Variants in SPATA24 observed in about 807,000 individuals in gnomAD.
The protein encoded by SPATA24 is spermatogenesis associated 24.
Under a neutral mutation model 28.9 loss-of-function variants are expected in SPATA24, and 21 were observed. The ratio of observed to expected loss-of-function variants is 0.73; its 90% confidence interval spans 0.52 to 1.05. SPATA24 has a LOEUF of 1.05. Among genes scored for constraint, SPATA24 ranks in the 50% least tolerant of loss-of-function variants. SPATA24 has a pLI of 0.00. For missense variants in SPATA24, 215 were observed against 242.9 expected, an observed-to-expected ratio of 0.88 and a Z score of 0.76; for synonymous variants, 76 against 89.9, an observed-to-expected ratio of 0.85 and a Z score of 0.88.
intron 1 of SPATA24, among the ~76,000 whole-genome samples, chr5:139,403,208 T>C (rs1758860536): frequency 2.0e-5 from 3 of 152,314 alleles, no homozygotes; most frequent in Admixed American, 2.0e-4. Context: ...ATGAGAGCAT[T>C]AGGGTAGCAA....
At chr5:139,393,518 A>C (rs919868384), downstream of SPATA24, 2 of 1,551,284 alleles carry the variant, frequency 1.3e-6, no homozygotes, top group Non-Finnish European at 1.7e-6. Flanking sequence ...ATGGGATCCC[A>C]TGTCTCTTGG....
At chr5:139,400,677 T>A (rs1758802393) in intron 4 of SPATA24, among the ~76,000 whole-genome samples, 1 of 152,136 alleles carries the variant, frequency 6.6e-6, no homozygotes, top group Admixed American at 6.5e-5. Flanking sequence ...TGTACGGGCA[T>A]GTGTAGCTGA....
chr5:139,399,473 A>G (rs775052140), intron 4 of SPATA24, among the ~76,000 whole-genome samples: 1 of 152,168 alleles, frequency 6.6e-6, no homozygotes, highest in Non-Finnish European at 1.5e-5. Context: ...GAGAATGAAG[A>G]CATGAGTTCA....
downstream of SPATA24, chr5:139,394,886 C>A: frequency 6.6e-7 from 1 of 1,510,676 alleles, no homozygotes; most frequent in Admixed American, 2.2e-5. Context: ...GGCTGCGCGC[C>A]CGCCCCCCGC....
downstream of SPATA24, chr5:139,395,097 C>G (rs1308655458): frequency 7.2e-7 from 1 of 1,390,882 alleles, no homozygotes; most frequent in Non-Finnish European, 9.3e-7. Context: ...GGCCGGACGC[C>G]GTGCACTATC....
chr5:139,392,699 C>A (rs989412618), downstream of SPATA24: 8 of 1,386,896 alleles, frequency 5.8e-6, no homozygotes, highest in Non-Finnish European at 7.5e-6. This position sits in a 1 kb window ranked among gnomAD's most constrained non-coding sequence, Gnocchi z 5.8. Flanking sequence ...GATCGGACCC[C>A]TGCTGGCCCT....
At chr5:139,403,004 G>A (rs774728850) in intron 1 of SPATA24, among the ~76,000 whole-genome samples, 47 of 152,194 alleles carry the variant, frequency 3.1e-4, no homozygotes, top group Non-Finnish European at 5.9e-4. Flanking sequence ...GGAAGGGTCA[G>A]AATCACTTCC....
downstream of SPATA24, chr5:139,392,998 T>C (rs746858794): frequency 5.3e-6 from 8 of 1,517,386 alleles, no homozygotes; most frequent in South Asian, 1.0e-4. This position sits in a 1 kb window ranked among gnomAD's most constrained non-coding sequence, Gnocchi z 5.8. Flanking sequence ...AGGAGGCTCG[T>C]AGGGGTGCGG....
downstream of SPATA24, chr5:139,395,178 C>A: frequency 8.0e-7 from 1 of 1,257,662 alleles, no homozygotes; most frequent in Non-Finnish European, 1.0e-6. Context: ...GTGGGGGTCA[C>A]CGCGCCTTAA....
chr5:139,394,439 G>A (rs1224250477), downstream of SPATA24: 5 of 1,394,792 alleles, frequency 3.6e-6, no homozygotes, highest in South Asian at 1.6e-5. Context: ...CTCTGGGGCC[G>A]GGGGCGCAGC....
downstream of SPATA24, chr5:139,395,028 G>A (rs1758674145): frequency 1.4e-6 from 2 of 1,440,706 alleles, no homozygotes; most frequent in African/African-American, 1.5e-5. Context: ...CGGGGGCCGT[G>A]GGCAGCTGCC....
At chr5:139,400,302 C>CTTT (rs55789939) in intron 4 of SPATA24, among the ~76,000 whole-genome samples, 9 of 125,104 alleles carry the variant, frequency 7.2e-5, no homozygotes, top group Non-Finnish European at 1.3e-4. Context: ...TTCATACCTA[C>CTTT]TTTTTTTTTT....
chr5:139,396,089 C>T (rs1384334619), downstream of SPATA24: 3 of 828,850 alleles, frequency 3.6e-6, no homozygotes, highest in African/African-American at 5.5e-5. Context: ...CCAGCTGGCC[C>T]TGGAGCAAGA....
rs75764480 is a variant in SPATA24 at position 139,399,428 on chromosome 5, G to A, written c.386-2285C>T. Among the ~76,000 whole-genome samples, 316 of 151,058 alleles carry A rather than the reference G, an allele frequency of 2.1e-3. 4 individuals carry two copies. Among genetic ancestry groups the A allele is most frequent in the East Asian group, 0.017 (90 of 5,188 alleles). ...AAGAGAAGACCTGGTAAAAAGTGAA[G>A]GCACAGCATGGAAAAGAGGAGACAG... On this transcript the variant is annotated intron_variant, in intron 4 of 5. Transcript: ENST00000450845.
downstream of SPATA24, chr5:139,393,639 A>C (rs1431794911): frequency 6.5e-7 from 1 of 1,549,764 alleles, no homozygotes. Flanking sequence ...CCGAATGTGG[A>C]ATCTCCCACA....
downstream of SPATA24, chr5:139,393,794 A>T: frequency 6.4e-7 from 1 of 1,551,410 alleles, no homozygotes; most frequent in Non-Finnish European, 8.7e-7. Flanking sequence ...GCTTCAGGGA[A>T]CAATGGGCTA....
rs1216091297 is a variant in SPATA24 at position 139,402,665 on chromosome 5, C to G, written c.146G>C (p.Ser49Thr). Residue 49 changes from serine to threonine, a missense_variant, in exon 2 of 6, where the codon AGT becomes ACT. Coordinates refer to ENST00000450845, the MANE Select transcript of SPATA24 (RefSeq NM_194296.2). ...CTCCACTGCCTGGAACTCTTCTTTA[C>G]TGACAAAATTTTCGTCCTGGAGAAC... ...VMVLQDENFV[S>T]KEEFQAVEKK... The G allele has an allele frequency of 5.0e-5, 78 of 1,551,754 alleles. No homozygotes were observed. Among genetic ancestry groups the G allele is most frequent in the Non-Finnish European group, 6.2e-5 (71 of 1,147,018 alleles).
downstream of SPATA24, chr5:139,394,783 T>A (rs1758665529): frequency 2.0e-6 from 3 of 1,529,776 alleles, no homozygotes; most frequent in South Asian, 3.6e-5. Flanking sequence ...CAGCTGGGGC[T>A]GGGGTGGCCG....
chr5:139,392,593 G>C, downstream of SPATA24: 2 of 1,365,688 alleles, frequency 1.5e-6, no homozygotes, highest in African/African-American at 3.1e-5. This position sits in a 1 kb window ranked among gnomAD's most constrained non-coding sequence, Gnocchi z 5.8. Flanking sequence ...CGCCTGGACG[G>C]CAGCCGCGGG....
Sources: gnomAD v4.1 joint callset for allele counts (sites outside exome capture counted in the v4.1 genomes callset) on GRCh38, gnomAD v4.1.1 for gene constraint, Gnocchi (gnomAD v3.1) non-coding constraint, MANE v1.5 for transcripts, NCBI Gene and HGNC (gene_info 2026-07-23, HGNC 2026-07-21) for gene names.